Variants in UNC93A observed in about 807,000 individuals in gnomAD.
UNC93A encodes the protein N-acetylglucosamine transporter UNC93A.
Under a neutral mutation model 47.5 loss-of-function variants are expected in UNC93A, and 43 were observed. The observed-to-expected ratio is 0.91, with a 90% CI of 0.71 to 1.17. The LOEUF (loss-of-function observed/expected upper bound fraction) is 1.17. UNC93A is among the 50% of genes most tolerant of loss of function. The pLI is 0.00. For missense variants in UNC93A, 605 were observed against 577.6 expected (o/e 1.05, Z -0.49); for synonymous variants, 280 against 258.0 (o/e 1.09, Z -0.82).
At chr6:167,282,654 G>A (rs888296156) in intron 1 of UNC93A, among the ~76,000 whole-genome samples, 1 of 152,130 alleles carries the variant, frequency 6.6e-6, no homozygotes, top group African/African-American at 2.4e-5. Context: ...ATATGTTGAT[G>A]AAAAAACCTA....
In UNC93A at chr6:167,295,501, ATCCTCGCCTGCCTCGTGC is replaced by A. The variant is rs1562350123; in HGVS notation, c.270-503_270-486del. ...CCTCGTGAACCTCGCCTCCCTCGTG[ATCCTCGCCTGCCTCGTGC>A]TCCTCGCCTGCCTCGTGCTCCTCGC... On this transcript the variant is annotated intron_variant, in intron 2 of 7. Coordinates refer to ENST00000230256, the MANE Select transcript of UNC93A (RefSeq NM_018974.4). Among the ~76,000 whole-genome samples the A allele has an allele frequency of 1.1e-4, 5 of 44,272 alleles. 1 individual carries two copies. The highest frequency in any genetic ancestry group is 7.2e-4 in the African/African-American group (4 of 5,570). 29.0% of individuals were successfully genotyped at this position (44,272 alleles called of 152,430 possible).
Position 167,303,948 on chromosome 6 carries a change from G to A in UNC93A, c.655G>A (p.Ala219Thr). The change falls in exon 5 of 8, where the codon GCT becomes ACT. Residue 219 changes from alanine (A) to threonine (T), a missense_variant. Physicochemically the swap from Ala to Thr is moderately conservative, Grantham distance 58. Transcript: ENST00000230256. Reference protein sequence around the residue: ...GSGVLAVLMIAAFLQPIRDVQ... With the variant: ...GSGVLAVLMITAFLQPIRDVQ... The stretch of plus-strand genomic sequence containing the variant: ...TGGTGTCCTGGCTGTCCTGATGATA[G>A]CTGCGTTCCTCCAACCCATACGAGA... 1 of 1,613,582 alleles carries A rather than the reference G, an allele frequency of 6.2e-7. No homozygotes were observed.
chr6:167,293,576 C>T (rs1440723136), intron 1 of UNC93A, among the ~76,000 whole-genome samples: 2 of 152,160 alleles, frequency 1.3e-5, no homozygotes, highest in Admixed American at 6.5e-5. Flanking sequence ...CACCTCTCTC[C>T]AAGAACCCCA....
intron 2 of UNC93A, among the ~76,000 whole-genome samples, chr6:167,295,337 C>T (rs1435942813): frequency 1.3e-5 from 2 of 152,248 alleles, no homozygotes; most frequent in Non-Finnish European, 2.9e-5. Flanking sequence ...GCCGCTGAGG[C>T]CCGAGCCGGT....
At chr6:167,295,588 G>A (rs1326912951) in intron 2 of UNC93A, among the ~76,000 whole-genome samples, 4 of 92,618 alleles carry the variant, frequency 4.3e-5, no homozygotes, top group Admixed American at 3.9e-4. Flanking sequence ...CGCCTGCCTC[G>A]TGCTCCTCGC....
chr6:167,279,960 A>G (rs1013635168), intron 1 of UNC93A, among the ~76,000 whole-genome samples: 1 of 152,208 alleles, frequency 6.6e-6, no homozygotes, highest in Non-Finnish European at 1.5e-5. Context: ...AAACATTACC[A>G]GGCAATCCAC....
chr6:167,280,692 C>A (rs1783617817), intron 1 of UNC93A, among the ~76,000 whole-genome samples: 1 of 152,168 alleles, frequency 6.6e-6, no homozygotes, highest in African/African-American at 2.4e-5. Context: ...GGACAGCACT[C>A]TGTCTTATCA....
At chr6:167,277,641 C>G (rs1208318531) in intron 1 of UNC93A, among the ~76,000 whole-genome samples, 4 of 152,042 alleles carry the variant, frequency 2.6e-5, no homozygotes, top group Admixed American at 6.5e-5. Context: ...TTCTCTCTCT[C>G]TGTCTCCCTC....
intron 3 of UNC93A, among the ~76,000 whole-genome samples, chr6:167,296,485 A>G (rs1778092765): frequency 6.6e-6 from 1 of 152,200 alleles, no homozygotes; most frequent in African/African-American, 2.4e-5. Context: ...TGCGTCTTCC[A>G]CAGGTGCCTC....
chr6:167,301,179 T>C (rs1778230948), intron 4 of UNC93A, among the ~76,000 whole-genome samples: 1 of 152,270 alleles, frequency 6.6e-6, no homozygotes, highest in Admixed American at 6.5e-5. Context: ...CATTGCCAGC[T>C]GTCCTCCGCA....
chr6:167,296,643 T>C (rs901659596), intron 3 of UNC93A, among the ~76,000 whole-genome samples: 1 of 152,242 alleles, frequency 6.6e-6, no homozygotes, highest in Non-Finnish European at 1.5e-5. Flanking sequence ...TGTGACTTGA[T>C]ACAATGACCA....
At chr6:167,289,450 A>G (rs1047564943), upstream of UNC93A, among the ~76,000 whole-genome samples, 4 of 152,286 alleles carry the variant, frequency 2.6e-5, no homozygotes, top group South Asian at 2.1e-4. Flanking sequence ...CTGGGAGGAA[A>G]AGAGAGAAAA....
At chr6:167,307,993 C>A in intron 7 of UNC93A, 83 bp downstream of exon 7, 1 of 1,557,494 alleles carries the variant, frequency 6.4e-7, no homozygotes, top group Non-Finnish European at 8.7e-7. Context: ...CATTAGATGC[C>A]AATGGGCCAG....
chr6:167,285,186 T>C (rs1783704373), intron 1 of UNC93A, among the ~76,000 whole-genome samples: 2 of 151,494 alleles, frequency 1.3e-5, no homozygotes, highest in Admixed American at 6.6e-5. Context: ...TGGGACACCA[T>C]GCCCAGTCAC....
At chr6:167,309,551 C>T (rs1356826883) in intron 7 of UNC93A, among the ~76,000 whole-genome samples, 1 of 152,134 alleles carries the variant, frequency 6.6e-6, no homozygotes, top group East Asian at 1.9e-4. Flanking sequence ...AGAGACTTCA[C>T]CATTCTGCCT....
intron 4 of UNC93A, among the ~76,000 whole-genome samples, chr6:167,298,665 G>A (rs559719152): frequency 6.6e-6 from 1 of 152,004 alleles, no homozygotes; most frequent in Non-Finnish European, 1.5e-5. Context: ...GAAGTTAATT[G>A]TCATGACGAG....
intron 1 of UNC93A, among the ~76,000 whole-genome samples, chr6:167,282,446 G>T (rs1783649892): frequency 6.6e-6 from 1 of 151,932 alleles, no homozygotes; most frequent in South Asian, 2.1e-4. Context: ...AAAGGTGGGG[G>T]GAGATTTGGG....
intron 7 of UNC93A, among the ~76,000 whole-genome samples, chr6:167,309,967 G>A (rs1173187356): frequency 2.0e-5 from 3 of 152,154 alleles, no homozygotes; most frequent in Non-Finnish European, 4.4e-5. Context: ...CCAGGCCGGG[G>A]CATTGCTTAA....
chr6:167,274,142 C>T (rs73790138), intron 1 of UNC93A, among the ~76,000 whole-genome samples: 19 of 152,202 alleles, frequency 1.2e-4, no homozygotes, highest in Admixed American at 3.3e-4. Flanking sequence ...TGTGAAGTTA[C>T]GCCAGAGTAA....
Sources: gnomAD v4.1 joint callset for allele counts (sites outside exome capture counted in the v4.1 genomes callset) on GRCh38, gnomAD v4.1.1 for gene constraint, MANE v1.5 for transcripts, NCBI Gene and HGNC (gene_info 2026-07-23, HGNC 2026-07-21) for gene names.